The following CEP350 variants were observed in gnomAD, a reference collection of about 807,000 sequenced individuals.
The protein encoded by CEP350 is centrosomal protein 350, also known as centrosome-associated protein 350.
In CEP350, 126 loss-of-function variants were observed where a neutral mutation model predicts 331.8. That is an observed-to-expected ratio of 0.38 (90% CI 0.33 to 0.44). CEP350 has a LOEUF of 0.44. Among genes scored for constraint, CEP350 ranks in the 20% least tolerant of loss-of-function variants. CEP350 has a pLI of 1.00. For synonymous variants in CEP350, 1,200 were observed against 1,259.5 expected (o/e 0.95, Z 1.00); for missense variants, 3,406 against 3,634.6 (o/e 0.94, Z 1.62).
chr1:179,959,026 A>G (rs1297027526), intron 1 of CEP350, among the ~76,000 whole-genome samples: 2 of 152,068 alleles, frequency 1.3e-5, no homozygotes, highest in African/African-American at 4.8e-5. Context: ...AATTTTTGAA[A>G]CTTTTTTCTA....
intron 31 of CEP350, among the ~76,000 whole-genome samples, chr1:180,084,509 C>T (rs907163536): frequency 2.6e-5 from 4 of 152,010 alleles, no homozygotes; most frequent in Non-Finnish European, 1.5e-5. Context: ...GGACTACAGG[C>T]GTCCGCCACT....
At chr1:180,064,070 AC>A (rs1658399785) in intron 26 of CEP350, among the ~76,000 whole-genome samples, 1 of 152,110 alleles carries the variant, frequency 6.6e-6, no homozygotes, top group Non-Finnish European at 1.5e-5. Flanking sequence ...TTCTCATTCC[AC>A]CTGGGCTCTG....
intron 37 of CEP350, among the ~76,000 whole-genome samples, chr1:180,109,294 A>G (rs1661346409): frequency 6.6e-6 from 1 of 151,528 alleles, no homozygotes; most frequent in East Asian, 1.9e-4. Flanking sequence ...TAATTTTTGT[A>G]TTTTTAGTAG....
At position 180,053,016 on chromosome 1, in the gene CEP350, C is replaced by T; in HGVS notation, c.4839C>T (p.Ser1613=). The change falls in exon 23 of 38, where the codon TCC becomes TCT. Residue 1613 remains serine (S), a synonymous_variant. Coordinates refer to ENST00000367607, the MANE Select transcript of CEP350 (RefSeq NM_014810.5). ...AATATTCTCTGAAATTTGATGAATCCATGACAGAAGATGAAATAGAAGAAC... is the reference window on the plus strand; with the variant it reads ...AATATTCTCTGAAATTTGATGAATCTATGACAGAAGATGAAATAGAAGAAC... ...ATEYSLKFDE[S]MTEDEIEEQS... is the part of the protein sequence containing the mutation. 1 of 1,492,248 alleles carries T rather than the reference C, an allele frequency of 6.7e-7. No individual in the cohort carries two copies. The highest frequency in any genetic ancestry group is 9.3e-7 in the Non-Finnish European group (1 of 1,073,492). The allele number at this position is 1,492,248 out of a possible 1,614,324, so 92.4% of individuals were successfully genotyped here.
chr1:179,995,697 C>G (rs1482878317), intron 5 of CEP350, among the ~76,000 whole-genome samples: 1 of 152,122 alleles, frequency 6.6e-6, no homozygotes, highest in South Asian at 2.1e-4. Context: ...GCTAGTGTTT[C>G]TATGAGCAGA....
At chr1:180,095,224 A>G (rs1043655274) in intron 34 of CEP350, 1 of 128,946 alleles carries the variant, frequency 7.8e-6, no homozygotes, top group African/African-American at 3.0e-5. Flanking sequence ...TCCCATTTCC[A>G]TATCCCATAG....
chr1:180,059,019 A>G (rs1292560492), intron 25 of CEP350, among the ~76,000 whole-genome samples: 1 of 152,222 alleles, frequency 6.6e-6, no homozygotes, highest in Non-Finnish European at 1.5e-5. Flanking sequence ...CACTTACACC[A>G]TTCACCATTT....
intron 21 of CEP350, 31 bp from the exon 22 acceptor site, chr1:180,048,502 TTTG>T (rs762956855): frequency 2.6e-5 from 39 of 1,477,448 alleles, no homozygotes; most frequent in Non-Finnish European, 3.0e-5. Context: ...TTTTGTTAAT[TTTG>T]TTGTTGTTGT....
intron 12 of CEP350, 79 bp from the exon 13 acceptor site, chr1:180,022,619 A>C: frequency 7.8e-7 from 1 of 1,284,254 alleles, no homozygotes; most frequent in Non-Finnish European, 1.1e-6. Flanking sequence ...CCATATTGCT[A>C]ATCTCCATGT....
intron 3 of CEP350, among the ~76,000 whole-genome samples, chr1:179,988,165 C>CA (rs1652777996): frequency 6.6e-6 from 1 of 151,766 alleles, no homozygotes; most frequent in Non-Finnish European, 1.5e-5. Flanking sequence ...GGTGTGGTGG[C>CA]ATGTGCCTGT....
At chr1:179,955,719 A>G (rs1465633360) in intron 1 of CEP350, among the ~76,000 whole-genome samples, 1 of 152,238 alleles carries the variant, frequency 6.6e-6, no homozygotes, top group African/African-American at 2.4e-5. Context: ...AGTAATATTT[A>G]GCTAATGTCA....
In CEP350 at chr1:180,111,275, C is replaced by T; in HGVS notation, c.*114C>T. 3 of 1,249,496 alleles carry T rather than the reference C, an allele frequency of 2.4e-6. No individual in the cohort carries two copies. The highest frequency in any genetic ancestry group is 3.3e-6 in the Non-Finnish European group (3 of 903,576). The allele number at this position is 1,249,496 out of a possible 1,614,324, so 77.4% of individuals were successfully genotyped here. ...AGTGCTTCTGGACCTTGTACTTATTCTTAAAGACTACCAGTATGGAGTTCA... is the reference window on the plus strand; with the variant it reads ...AGTGCTTCTGGACCTTGTACTTATTTTTAAAGACTACCAGTATGGAGTTCA... On this transcript the variant is annotated 3_prime_UTR_variant, in exon 38 of 38. Coordinates refer to ENST00000367607, the MANE Select transcript of CEP350 (RefSeq NM_014810.5).
intron 1 of CEP350, among the ~76,000 whole-genome samples, chr1:179,979,043 T>C (rs1257380478): frequency 6.6e-6 from 1 of 152,172 alleles, no homozygotes; most frequent in Non-Finnish European, 1.5e-5. Flanking sequence ...AGTGCAGATA[T>C]CTCTTCAGTA....
At position 180,078,601 on chromosome 1, in the gene CEP350, C is replaced by T. The variant is rs1490658867; in HGVS notation, c.5906C>T (p.Pro1969Leu). 6.2e-7 allele frequency: 1 copy of T among 1,613,000 alleles called. No homozygotes were observed. The highest frequency in any genetic ancestry group is 8.5e-7 in the Non-Finnish European group (1 of 1,179,468). ...ATAGGACAGGAGCAGCCAGGGAGTC[C>T]AGATCACAGTATACTTACTGAAGAA... ...ESIGQEQPGS[P>L]DHSILTEEMI... Residue 1969 changes from proline to leucine, a missense_variant, in exon 29 of 38, where the codon CCA becomes CTA. This residue lies in a region of CEP350 where 1,415 missense variants were observed against 1,512.3 expected (regional missense o/e 0.94). Coordinates refer to ENST00000367607, the MANE Select transcript of CEP350 (RefSeq NM_014810.5).
chr1:180,024,614 C>G (rs1282449748), intron 14 of CEP350, 32 bp downstream of exon 14: 10 of 1,570,436 alleles, frequency 6.4e-6, no homozygotes, highest in Middle Eastern at 2.1e-4. Flanking sequence ...AACTTTTTCT[C>G]TTACCAATGA....
chr1:180,033,867 C>G lies in CEP350; in HGVS notation c.3731C>G (p.Ser1244Ter). Reference protein sequence around the residue: ...EDLSGHSVSVSSDKGRSQKTP... With the variant: ...EDLSGHSVSV The stretch of plus-strand genomic sequence containing the variant: ...TTGTGGATCAAAACTTCTAGTGTCT[C>G]ATCAGATAAGGGAAGATCTCAGAAA... The change falls in exon 16 of 38, where the codon TCA (serine) becomes TGA (stop). Residue 1244 changes from serine to a stop codon, truncating the protein, a stop_gained. Transcript: ENST00000367607. LOFTEE classifies it high-confidence loss of function. 7 of 1,613,540 alleles carry G rather than the reference C, an allele frequency of 4.3e-6. No individual in the cohort carries two copies. The highest frequency in any genetic ancestry group is 5.9e-6 in the Non-Finnish European group (7 of 1,179,602).
intron 27 of CEP350, among the ~76,000 whole-genome samples, chr1:180,065,519 C>T (rs1037877304): frequency 2.8e-4 from 43 of 151,956 alleles, no homozygotes; most frequent in Non-Finnish European, 1.3e-4. Flanking sequence ...TGGTGGCTCA[C>T]ACCTATAATC....
Position 180,043,104 on chromosome 1 carries a change from G to A in CEP350, c.4411G>A (p.Gly1471Arg), listed in dbSNP as rs1409037008. The stretch of plus-strand genomic sequence containing the variant: ...TATCTCAGATGCTGTCGTGGCTTCA[G>A]GAGCTCCCCTTGCAATACTGTATGA... Reference protein sequence around the residue: ...THISDAVVASGAPLAILYDHQ... With the variant: ...THISDAVVASRAPLAILYDHQ... Residue 1471 changes from glycine to arginine, a missense_variant, in exon 20 of 38, where the codon GGA becomes AGA. Gly to Arg is a moderately radical substitution (Grantham distance 125, BLOSUM62 -2). Coordinates refer to ENST00000367607, the MANE Select transcript of CEP350 (RefSeq NM_014810.5). 7 of 1,613,784 alleles carry A rather than the reference G, an allele frequency of 4.3e-6. No individual in the cohort carries two copies. The highest frequency in any genetic ancestry group is 5.9e-6 in the Non-Finnish European group (7 of 1,179,774).
At chr1:180,033,779 T>C (rs1351537714) in intron 15 of CEP350, 83 bp from the exon 16 acceptor site, 8 of 1,363,250 alleles carry the variant, frequency 5.9e-6, no homozygotes, top group Non-Finnish European at 8.1e-6. Context: ...ATAGTTTTTT[T>C]ATATGTTGTT....
Sources: gnomAD v4.1 joint callset for allele counts (sites outside exome capture counted in the v4.1 genomes callset) on GRCh38, gnomAD v4.1.1 for gene constraint, gnomAD v4.1.1 regional missense constraint, MANE v1.5 for transcripts, NCBI Gene and HGNC (gene_info 2026-07-23, HGNC 2026-07-21) for gene names.